The following ARL5B variants were observed in gnomAD, a reference collection of about 807,000 sequenced individuals.
The protein encoded by ARL5B is ADP-ribosylation factor-like protein 5B.
In ARL5B, 10 loss-of-function variants were observed where a neutral mutation model predicts 26.9. That is an observed-to-expected ratio of 0.37 (90% CI 0.23 to 0.63). The LOEUF (loss-of-function observed/expected upper bound fraction) is 0.63, where lower values mean the gene tolerates loss of function less well. ARL5B is among the 30% of genes least tolerant of loss of function. The pLI is 0.62. For missense variants in ARL5B, 167 were observed against 213.9 expected (o/e 0.78, Z 1.37); for synonymous variants, 87 against 70.4 (o/e 1.24, Z -1.18).
chr10:18,665,776 G>A (rs1204826166), intron 1 of ARL5B, among the ~76,000 whole-genome samples: 1 of 152,160 alleles, frequency 6.6e-6, no homozygotes, highest in Non-Finnish European at 1.5e-5. Context: ...GGGATCTTTA[G>A]TATACTTGGC....
intron 3 of ARL5B, among the ~76,000 whole-genome samples, chr10:18,669,994 C>T (rs1292258683): frequency 1.5e-5 from 1 of 65,128 alleles, no homozygotes; most frequent in Non-Finnish European, 3.3e-5. Flanking sequence ...ACTCTTATCT[C>T]AAAAAAAAAA....
Position 18,680,494 on chromosome 10 carries a change from A to G in ARL5B, c.*5278A>G, listed in dbSNP as rs776906656. 3.3e-5 allele frequency: 5 copies of G among 152,036 alleles called. No individual in the cohort carries two copies. Among genetic ancestry groups the G allele is most frequent in the Admixed American group, 6.6e-5 (1 of 15,258 alleles). 9.4% of individuals were successfully genotyped at this position (152,036 alleles called of 1,614,324 possible). A position where few individuals can be genotyped will look rare whatever the true frequency, so the allele number is the denominator to read the frequency against. On this transcript the variant is annotated 3_prime_UTR_variant, in exon 6 of 6. Transcript: ENST00000377275. ...AGTGTTGGTAAGATATCAAATGACT[A>G]TCAGTTGATCCCAGTCATCAGTGAC...
intron 5 of ARL5B, among the ~76,000 whole-genome samples, chr10:18,674,501 C>G (rs1189835706): frequency 6.6e-6 from 1 of 152,080 alleles, no homozygotes; most frequent in East Asian, 1.9e-4. Flanking sequence ...AGGACTTAAA[C>G]CTGAGCTCTC....
In ARL5B at chr10:18,677,866, G is replaced by A. The variant is rs1422558317; in HGVS notation, c.*2650G>A. 1 of 152,090 alleles carries A rather than the reference G, an allele frequency of 6.6e-6. No homozygotes were observed. Among genetic ancestry groups the A allele is most frequent in the Admixed American group, 6.6e-5 (1 of 15,224 alleles). 9.4% of individuals were successfully genotyped at this position (152,090 alleles called of 1,614,324 possible). A position where few individuals can be genotyped will look rare whatever the true frequency, so the allele number is the denominator to read the frequency against. On this transcript the variant is annotated 3_prime_UTR_variant, in exon 6 of 6. Coordinates refer to ENST00000377275, the MANE Select transcript of ARL5B (RefSeq NM_178815.5). ...TAGCACAGTTTATAGTAAGTGAAAA[G>A]CAAGGGACCCACCTACATTACCTTC...
chr10:18,665,595 G>A (rs2059858029), intron 1 of ARL5B, among the ~76,000 whole-genome samples: 2 of 152,096 alleles, frequency 1.3e-5, no homozygotes, highest in African/African-American at 4.8e-5. Context: ...TTGATTATAT[G>A]ACCAGAATGT....
At chr10:18,664,268 T>C (rs2059850527) in intron 1 of ARL5B, among the ~76,000 whole-genome samples, 1 of 151,950 alleles carries the variant, frequency 6.6e-6, no homozygotes. Context: ...ACTTTTTTCT[T>C]AAGAGATGGG....
chr10:18,664,656 T>G (rs1227221497), intron 1 of ARL5B, among the ~76,000 whole-genome samples: 1 of 151,928 alleles, frequency 6.6e-6, no homozygotes, highest in Non-Finnish European at 1.5e-5. Context: ...GCCAGGATGG[T>G]CTTGATCTCC....
At chr10:18,667,857 A>G (rs565556123) in intron 2 of ARL5B, among the ~76,000 whole-genome samples, 3 of 151,998 alleles carry the variant, frequency 2.0e-5, no homozygotes, top group Admixed American at 2.0e-4. Flanking sequence ...TGGGATTACA[A>G]GCGCCCACCA....
In ARL5B at chr10:18,678,815, TAAAA is replaced by T. The variant is rs1277091343; in HGVS notation, c.*3602_*3605del. On this transcript the variant is annotated 3_prime_UTR_variant, in exon 6 of 6. Transcript: ENST00000377275. ...CTAGTAGAATATTGTGCTAGCCATC[TAAAA>T]AAGTGGATTTGAGCCTTAATTTGGC... 2.0e-5 allele frequency: 3 copies of T among 151,802 alleles called. No individual in the cohort carries two copies. Among genetic ancestry groups the T allele is most frequent in the African/African-American group, 7.2e-5 (3 of 41,396 alleles). 9.4% of individuals were successfully genotyped at this position (151,802 alleles called of 1,614,324 possible). A position where few individuals can be genotyped will look rare whatever the true frequency, so the allele number is the denominator to read the frequency against.
intron 3 of ARL5B, among the ~76,000 whole-genome samples, chr10:18,671,536 T>C (rs931397339): frequency 5.3e-5 from 8 of 152,110 alleles, no homozygotes. Context: ...TTATTTTGCA[T>C]CTATCTCCTG....
At chr10:18,660,610 C>T (rs1006637276) in intron 1 of ARL5B, among the ~76,000 whole-genome samples, 3 of 152,012 alleles carry the variant, frequency 2.0e-5, no homozygotes, top group Non-Finnish European at 2.9e-5. Flanking sequence ...TAATCTTTTT[C>T]TGGATTTAAG....
At chr10:18,668,763 C>G (rs2059873192) in intron 3 of ARL5B, 86 bp downstream of exon 3, 1 of 1,240,726 alleles carries the variant, frequency 8.1e-7, no homozygotes, top group South Asian at 1.6e-5. Flanking sequence ...GGCGTATTGA[C>G]AGTTGCCTTT....
intron 2 of ARL5B, 65 bp downstream of exon 2, chr10:18,666,700 A>G: frequency 7.6e-7 from 1 of 1,324,118 alleles, no homozygotes; most frequent in Non-Finnish European, 1.0e-6. Flanking sequence ...TACAATTAAT[A>G]AGAGATGCAT....
At chr10:18,672,873 T>A (rs972766982) in intron 4 of ARL5B, among the ~76,000 whole-genome samples, 168 bp downstream of exon 4, 1 of 152,204 alleles carries the variant, frequency 6.6e-6, no homozygotes, top group Non-Finnish European at 1.5e-5. Flanking sequence ...TGTTCATTAC[T>A]TTTTCAAACT....
intron 1 of ARL5B, among the ~76,000 whole-genome samples, chr10:18,666,300 A>T (rs781475576): frequency 4.6e-5 from 7 of 152,342 alleles, no homozygotes; most frequent in Non-Finnish European, 1.0e-4. Flanking sequence ...TCTCCCCTAG[A>T]TGCAATATAA....
Position 18,675,208 on chromosome 10 carries a change from G to A in ARL5B, c.532G>A (p.Val178Met). 1 of 1,613,376 alleles carries A rather than the reference G, an allele frequency of 6.2e-7. No homozygotes were observed. The highest frequency in any genetic ancestry group is 8.5e-7 in the Non-Finnish European group (1 of 1,179,404). Residue 178 changes from valine (V) to methionine (M), a missense_variant, in exon 6 of 6, where the codon GTG becomes ATG. Physicochemically the swap from Val to Met is conservative, Grantham distance 21. Transcript: ENST00000377275. The part of the protein sequence containing the change: ...GLEWMTSRIG[V>M]R Reference sequence around the variant, plus strand: ...AGAGTGGATGACCTCCCGGATTGGTGTGAGATAACTTTTTTGCTTGAAAGA... The same window carrying A: ...AGAGTGGATGACCTCCCGGATTGGTATGAGATAACTTTTTTGCTTGAAAGA...
intron 1 of ARL5B, among the ~76,000 whole-genome samples, chr10:18,661,408 G>A (rs1024450430): frequency 4.6e-5 from 7 of 152,082 alleles, no homozygotes; most frequent in Non-Finnish European, 1.0e-4. Flanking sequence ...GACATCCAGT[G>A]GCTACTTTTA....
intron 2 of ARL5B, among the ~76,000 whole-genome samples, chr10:18,667,382 G>C (rs888158226): frequency 6.6e-6 from 1 of 152,178 alleles, no homozygotes; most frequent in Non-Finnish European, 1.5e-5. Context: ...AAAAGCTACT[G>C]ACTTAAAGTT....
intron 3 of ARL5B, among the ~76,000 whole-genome samples, chr10:18,670,619 A>C (rs916380788): frequency 6.6e-6 from 1 of 151,300 alleles, no homozygotes. Context: ...TCAAAAAAAA[A>C]GAAAAGAAAG....
Sources: gnomAD v4.1 joint callset for allele counts (sites outside exome capture counted in the v4.1 genomes callset) on GRCh38, gnomAD v4.1.1 for gene constraint, MANE v1.5 for transcripts, NCBI Gene and HGNC (gene_info 2026-07-23, HGNC 2026-07-21) for gene names.